Variants in PLCB1 observed in about 807,000 individuals in gnomAD.
PLCB1 encodes phospholipase C beta 1.
A neutral mutation model predicts 161.8 loss-of-function variants in PLCB1; 46 were observed. The observed-to-expected ratio is 0.28, with a 90% CI of 0.22 to 0.36. The LOEUF is 0.36. Ranked by LOEUF, PLCB1 falls within the 10% of genes least tolerant of loss-of-function variation. The pLI, the probability that PLCB1 is intolerant of heterozygous loss-of-function variation, is 1.00. For missense variants in PLCB1, 1,016 were observed against 1,472.5 expected (o/e 0.69, Z 5.07); for synonymous variants, 517 against 503.7 (o/e 1.03, Z -0.35).
At chr20:8,686,608 T>C (rs561008165) in intron 10 of PLCB1, among the ~76,000 whole-genome samples, 20 of 152,344 alleles carry the variant, frequency 1.3e-4, no homozygotes, top group Admixed American at 1.3e-3. Context: ...AGTATATTAA[T>C]TTTTCCCTTT....
At chr20:8,167,982 C>T (rs1041928374) in intron 2 of PLCB1, among the ~76,000 whole-genome samples, 1 of 152,124 alleles carries the variant, frequency 6.6e-6, no homozygotes, top group Admixed American at 6.6e-5. Flanking sequence ...CTGTCTGAGG[C>T]TTCAGCTAGG....
At chr20:8,171,473 A>G (rs552487955) in intron 2 of PLCB1, among the ~76,000 whole-genome samples, 2 of 152,234 alleles carry the variant, frequency 1.3e-5, no homozygotes, top group East Asian at 3.9e-4. Flanking sequence ...GATGGTAGTT[A>G]AAAATACATA....
In PLCB1 at chr20:8,324,267, C is replaced by T. The variant is rs1055117254; in HGVS notation, c.178-47115C>T. ...AACTACGTGACAAGGATTATTTACACACCATTATAGAAGTCACACTAATTA... is the reference window on the plus strand; with the variant it reads ...AACTACGTGACAAGGATTATTTACATACCATTATAGAAGTCACACTAATTA... On this transcript the variant is annotated intron_variant, in intron 2 of 31. Coordinates refer to ENST00000338037, the MANE Select transcript of PLCB1 (RefSeq NM_015192.4). Among the ~76,000 whole-genome samples, 32 of 151,398 alleles carry T rather than the reference C, an allele frequency of 2.1e-4. 1 individual carries two copies. The highest frequency in any genetic ancestry group is 6.8e-4 in the African/African-American group (28 of 41,128).
intron 2 of PLCB1, among the ~76,000 whole-genome samples, chr20:8,349,070 A>G (rs1054697057): frequency 2.0e-5 from 3 of 152,076 alleles, no homozygotes; most frequent in African/African-American, 4.8e-5. Flanking sequence ...ACATATACAC[A>G]CCCATGTACT....
chr20:8,339,388 C>A (rs543505442), intron 2 of PLCB1, among the ~76,000 whole-genome samples: 2 of 152,212 alleles, frequency 1.3e-5, no homozygotes, highest in South Asian at 4.2e-4. Flanking sequence ...AGGCTGGGGA[C>A]AGGAGGCAAT....
intron 2 of PLCB1, among the ~76,000 whole-genome samples, chr20:8,215,431 C>A (rs751577854): frequency 6.6e-6 from 1 of 151,970 alleles, no homozygotes. Flanking sequence ...CATGTCGCCT[C>A]GCAAGCCAGA....
chr20:8,278,605 A>C (rs200696433), intron 2 of PLCB1, among the ~76,000 whole-genome samples: 1 of 152,002 alleles, frequency 6.6e-6, no homozygotes, highest in African/African-American at 2.4e-5. Context: ...AGTGTTCAAC[A>C]TCATGAATAA....
intron 31 of PLCB1, among the ~76,000 whole-genome samples, chr20:8,858,747 C>T (rs993114679): frequency 6.6e-6 from 1 of 152,048 alleles, no homozygotes; most frequent in African/African-American, 2.4e-5. Flanking sequence ...GTCTTCCTTG[C>T]TCACTTACTT....
At chr20:8,874,683 A>G (rs374326793) in intron 31 of PLCB1, among the ~76,000 whole-genome samples, 9 of 152,138 alleles carry the variant, frequency 5.9e-5, no homozygotes, top group East Asian at 1.9e-4. Context: ...CATAATGCAT[A>G]TGTGGCAAAA....
chr20:8,733,465 T>A (rs1180254805), intron 19 of PLCB1, 73 bp downstream of exon 19: 2 of 1,310,432 alleles, frequency 1.5e-6, no homozygotes, highest in African/African-American at 2.9e-5. Flanking sequence ...AAGAAGTGGC[T>A]TAGTCATTAA....
At chr20:8,269,053 T>C (rs564678305) in intron 2 of PLCB1, among the ~76,000 whole-genome samples, 1,652 of 152,100 alleles carry the variant, frequency 0.011, 32 homozygotes, top group Non-Finnish European at 0.016. Context: ...TCTGCACTTA[T>C]TGATCCTGAG....
intron 31 of PLCB1, among the ~76,000 whole-genome samples, chr20:8,821,501 GTATATATATATATATATATATA>G (rs552044656): frequency 0.11 from 4,859 of 42,394 alleles, 1,415 homozygotes; most frequent in East Asian, 0.29. Flanking sequence ...AAAAAAATAT[GTATATATATATATATATATATA>G]TATATATATA....
At chr20:8,256,226 G>A (rs1448117809) in intron 2 of PLCB1, among the ~76,000 whole-genome samples, 1 of 152,080 alleles carries the variant, frequency 6.6e-6, no homozygotes, top group Non-Finnish European at 1.5e-5. Flanking sequence ...CCCAAACATA[G>A]TAACTTCAAC....
chr20:8,671,181 C>G, intron 9 of PLCB1, among the ~76,000 whole-genome samples: 1 of 152,162 alleles, frequency 6.6e-6, no homozygotes, highest in East Asian at 1.9e-4. Context: ...TGTGATTATT[C>G]TACGTGGATT....
At chr20:8,568,418 G>A (rs1986408769) in intron 3 of PLCB1, among the ~76,000 whole-genome samples, 1 of 152,082 alleles carries the variant, frequency 6.6e-6, no homozygotes, top group Non-Finnish European at 1.5e-5. Context: ...AATGATTAAA[G>A]CCTGTGGAGA....
chr20:8,558,874 T>G (rs1313883815), intron 3 of PLCB1, among the ~76,000 whole-genome samples: 1 of 151,818 alleles, frequency 6.6e-6, no homozygotes, highest in African/African-American at 2.4e-5. Context: ...AAGAAAAAAG[T>G]AAAATATTTC....
At chr20:8,406,815 C>T (rs1292037506) in intron 3 of PLCB1, among the ~76,000 whole-genome samples, 1 of 152,064 alleles carries the variant, frequency 6.6e-6, no homozygotes, top group African/African-American at 2.4e-5. Flanking sequence ...ATCAACTTAC[C>T]TGGGCTCTTT....
chr20:8,754,261 C>T (rs1330918260), intron 23 of PLCB1, among the ~76,000 whole-genome samples: 2 of 152,078 alleles, frequency 1.3e-5, no homozygotes, highest in African/African-American at 2.4e-5. Flanking sequence ...AATTGACAAT[C>T]GAACTTGGTT....
chr20:8,805,719 A>C (rs6056131), intron 31 of PLCB1, among the ~76,000 whole-genome samples: 15 of 152,360 alleles, frequency 9.8e-5, no homozygotes, highest in African/African-American at 3.6e-4. Flanking sequence ...TCAGACAAGA[A>C]GTACCAGACC....
Sources: allele counts gnomAD v4.1 joint callset (sites outside exome capture counted in the v4.1 genomes callset), GRCh38; gene constraint gnomAD v4.1.1; transcripts MANE v1.5; gene names NCBI Gene and HGNC (gene_info 2026-07-23, HGNC 2026-07-21).